TJP2: variants seen among roughly 807,000 people sequenced by gnomAD.
The protein encoded by TJP2 is Friedreich ataxia region gene X104 (tight junction protein ZO-2).
TJP2 carries 91 observed loss-of-function variants against 133.1 expected under a neutral mutation model. The ratio of observed to expected loss-of-function variants is 0.68; its 90% CI spans 0.58 to 0.81. The LOEUF (loss-of-function observed/expected upper bound fraction) is 0.81, where lower values mean the gene tolerates loss of function less well. TJP2 is among the 40% of genes least tolerant of loss of function. The pLI is 0.00. For missense variants in TJP2, 1,541 were observed against 1,565.6 expected, an observed-to-expected ratio of 0.98 and a Z score of 0.26; for synonymous variants, 592 against 583.4, an observed-to-expected ratio of 1.01 and a Z score of -0.21.
intron 14 of TJP2, among the ~76,000 whole-genome samples, chr9:69,237,632 C>T (rs939162167): frequency 1.6e-5 from 2 of 124,914 alleles, no homozygotes; most frequent in African/African-American, 6.0e-5. Flanking sequence ...GTCTGGGCAA[C>T]ATAGTGAGAT....
In TJP2 at chr9:69,221,656, T is replaced by C. The variant is rs139832825; in HGVS notation, c.952+160T>C. 0.069 allele frequency among the ~76,000 whole-genome samples: 10,170 copies of C among 147,852 alleles called. 1,018 individuals carry two copies. The highest frequency in any genetic ancestry group is 0.23 in the African/African-American group (9,061 of 40,166). On this transcript the variant is annotated intron_variant, in intron 5 of 22. Transcript: ENST00000377245. ...GCAACCTCCACCTCCCGGGTTCAAG[T>C]GATTCTCCTGCCTCAGCCTCCTGAG...
In TJP2 at chr9:69,234,487, T is replaced by C; in HGVS notation, c.1720T>C (p.Tyr574His). 6.2e-7 allele frequency: 1 copy of C among 1,609,716 alleles called. No homozygotes were observed. Among genetic ancestry groups the C allele is most frequent in the Non-Finnish European group, 8.5e-7 (1 of 1,178,824 alleles). ...ATTAGTGCGGGAGGATGCCGTTCTC[T>C]ACCTGTTAGAAATCCCTAAAGGTGA... ...RGLVREDAVL[Y>H]LLEIPKGEMV... The change falls in exon 12 of 23, where the codon TAC becomes CAC. Residue 574 changes from tyrosine (Y) to histidine (H), a missense_variant. Transcript: ENST00000377245.
upstream of TJP2, among the ~76,000 whole-genome samples, chr9:69,171,789 ATTTTTTTT>A (rs34717893): frequency 2.1e-3 from 182 of 86,768 alleles, no homozygotes; most frequent in African/African-American, 7.4e-3. Context: ...GAGTAGAAGA[ATTTTTTTT>A]TTTTTTTTTT....
At chr9:69,156,562 C>T (rs1335545011) in intron 2 of TJP2, among the ~76,000 whole-genome samples, 1 of 113,138 alleles carries the variant, frequency 8.8e-6, no homozygotes, top group African/African-American at 3.5e-5. Flanking sequence ...GACGGAGTCT[C>T]GTTCTGTCGC....
chr9:69,220,778 C>G, intron 4 of TJP2, 109 bp from the exon 5 acceptor site: 1 of 1,044,570 alleles, frequency 9.6e-7, no homozygotes, highest in Non-Finnish European at 1.5e-6. Flanking sequence ...CTTAGTGAGT[C>G]GGCAGGGATA....
intron 2 of TJP2, among the ~76,000 whole-genome samples, chr9:69,159,999 TC>T (rs1224809059): frequency 2.2e-4 from 33 of 149,604 alleles, no homozygotes; most frequent in African/African-American, 7.4e-4. Context: ...GAACAAGAAA[TC>T]AAAATACTTT....
chr9:69,182,032 CT>C (rs1825552404), intron 1 of TJP2, among the ~76,000 whole-genome samples: 2 of 152,184 alleles, frequency 1.3e-5, no homozygotes, highest in South Asian at 4.1e-4. Flanking sequence ...GTGACATACG[CT>C]TGGAAGGAGG....
Position 69,251,131 on chromosome 9 carries a change from G to T in TJP2, c.3088G>T (p.Ala1030Ser), listed in dbSNP as rs749740884. The T allele has an allele frequency of 1.2e-6, 2 of 1,614,082 alleles. No homozygotes were observed. The highest frequency in any genetic ancestry group is 1.1e-5 in the South Asian group (1 of 91,066). Residue 1030 changes from alanine to serine, a missense_variant, in exon 21 of 23, where the codon GCA becomes TCA. By Grantham distance (99) the Ala-to-Ser change is moderately conservative. Transcript: ENST00000377245. The stretch of plus-strand genomic sequence containing the variant: ...CGTTGCTGGTAATGAAACTCCTGGG[G>T]CATCTACCAAAGGTTATCCTCCTCC... ...SAVAGNETPG[A>S]STKGYPPPVA...
At chr9:69,190,312 A>G (rs1466365656) in intron 1 of TJP2, among the ~76,000 whole-genome samples, 1 of 152,238 alleles carries the variant, frequency 6.6e-6, no homozygotes, top group East Asian at 1.9e-4. Context: ...TAATACTGAC[A>G]AACATAGTTA....
At chr9:69,122,840 C>A (rs1026193435) in intron 1 of TJP2, among the ~76,000 whole-genome samples, 3 of 152,200 alleles carry the variant, frequency 2.0e-5, no homozygotes, top group African/African-American at 7.2e-5. Context: ...TTTCCACAAA[C>A]GTGGTCGGTA....
At chr9:69,190,243 T>C (rs1826119511) in intron 1 of TJP2, among the ~76,000 whole-genome samples, 1 of 152,250 alleles carries the variant, frequency 6.6e-6, no homozygotes, top group Admixed American at 6.5e-5. Flanking sequence ...CAATGGTTTT[T>C]AGTTCTCTGT....
intron 6 of TJP2, among the ~76,000 whole-genome samples, 166 bp from the exon 7 acceptor site, chr9:69,225,856 G>T (rs1474728971): frequency 6.6e-6 from 1 of 152,092 alleles, no homozygotes; most frequent in Non-Finnish European, 1.5e-5. Context: ...AGGCATGCAG[G>T]ATTATATTTA....
At chr9:69,246,180 C>A in intron 17 of TJP2, 1 of 197,838 alleles carries the variant, frequency 5.1e-6, no homozygotes, top group Non-Finnish European at 1.1e-5. Context: ...CATTTTGTAT[C>A]AGATACTCGG....
At position 69,163,274 on chromosome 9, in the gene TJP2, G is replaced by A. The variant is rs1159502806; in HGVS notation, c.-10+11503G>A. Among the ~76,000 whole-genome samples, 3 of 44,224 alleles carry A rather than the reference G, an allele frequency of 6.8e-5. 1 individual carries two copies. Among genetic ancestry groups the A allele is most frequent in the East Asian group, 2.7e-3 (2 of 740 alleles). The allele number at this position is 44,224 out of a possible 152,430, so 29.0% of individuals were successfully genotyped here. ...GATCTCCTGACCTCGTGATCCGCCC[G>A]CCTCGGCCTCCCAAAGTGCTGGGAT... On this transcript the variant is annotated intron_variant, in intron 2 of 5. Transcript: ENST00000423935.
At position 69,221,449 on chromosome 9, in the gene TJP2, G is replaced by T; in HGVS notation, c.905G>T (p.Arg302Leu). The change falls in exon 5 of 23, where the codon CGG (arginine) becomes CTG (leucine). Residue 302 changes from arginine (R) to leucine (L), a missense_variant. Coordinates refer to ENST00000377245, the MANE Select transcript of TJP2 (RefSeq NM_004817.4). ...AGCCCCAGCCCCGAGCCTAGGGGGC[G>T]GCCGGGGCCCATCGGGGTCCTCCTG... ...SRSPSPEPRG[R>L]PGPIGVLLMK... 2 of 1,596,148 alleles carry T rather than the reference G, an allele frequency of 1.3e-6. No homozygotes were observed. The highest frequency in any genetic ancestry group is 1.7e-4 in the Middle Eastern group (1 of 6,034).
At chr9:69,186,393 A>C (rs1825864165) in intron 1 of TJP2, among the ~76,000 whole-genome samples, 1 of 152,248 alleles carries the variant, frequency 6.6e-6, no homozygotes, top group Non-Finnish European at 1.5e-5. Flanking sequence ...ATGGAAAGAT[A>C]AGTATAACCA....
intron 20 of TJP2, chr9:69,249,753 A>T: frequency 1.0e-6 from 1 of 985,008 alleles, no homozygotes; most frequent in East Asian, 1.1e-4. Context: ...TTAAAAAAAG[A>T]TTGTAAAGAA....
chr9:69,166,283 G>A (rs1483004140), intron 2 of TJP2, among the ~76,000 whole-genome samples: 3 of 151,954 alleles, frequency 2.0e-5, no homozygotes, highest in Non-Finnish European at 4.4e-5. Context: ...GCTGTTTTTT[G>A]TAGAGATCAG....
chr9:69,177,835 T>C (rs898576316), intron 1 of TJP2, among the ~76,000 whole-genome samples: 2 of 151,938 alleles, frequency 1.3e-5, no homozygotes. Flanking sequence ...GGATGGTACC[T>C]AGGAAAGCAG....
Sources: gnomAD v4.1 joint callset for allele counts (sites outside exome capture counted in the v4.1 genomes callset) on GRCh38, gnomAD v4.1.1 for gene constraint, MANE v1.5 for transcripts, NCBI Gene and HGNC (gene_info 2026-07-23, HGNC 2026-07-21) for gene names.